The following SPATA17 variants were observed in gnomAD, a reference collection of about 807,000 sequenced individuals.
SPATA17 encodes the protein spermatogenesis associated 17, also known as spermatogenesis-associated protein 17.
Under a neutral mutation model 62.2 loss-of-function variants are expected in SPATA17, and 53 were observed. The observed-to-expected ratio is 0.85, with a 90% CI of 0.68 to 1.07. The LOEUF is 1.07. Among genes scored for constraint, SPATA17 ranks in the 50% least tolerant of loss-of-function variants. The pLI is 0.00. For missense variants in SPATA17, 466 were observed against 425.5 expected (o/e 1.10, Z -0.84); for synonymous variants, 146 against 146.8 (o/e 0.99, Z 0.04).
intron 5 of SPATA17, among the ~76,000 whole-genome samples, chr1:217,694,708 C>A (rs1309111552): frequency 6.6e-6 from 1 of 151,336 alleles, no homozygotes; most frequent in Admixed American, 6.6e-5. Context: ...AATCTCTCAG[C>A]ATTTGCTTGT....
chr1:217,659,857 C>G (rs1252094108), intron 3 of SPATA17, among the ~76,000 whole-genome samples: 4 of 152,148 alleles, frequency 2.6e-5, no homozygotes, highest in African/African-American at 7.2e-5. Context: ...CTCTTAAAAG[C>G]CTCTTGATTC....
At chr1:217,642,928 G>C (rs1670097979) in intron 1 of SPATA17, among the ~76,000 whole-genome samples, 2 of 152,048 alleles carry the variant, frequency 1.3e-5, no homozygotes, top group African/African-American at 2.4e-5. Flanking sequence ...TACTTTTCCT[G>C]CCAGCCCCTA....
chr1:217,658,281 C>G, intron 3 of SPATA17, among the ~76,000 whole-genome samples: 1 of 152,096 alleles, frequency 6.6e-6, no homozygotes, highest in East Asian at 1.9e-4. Flanking sequence ...CGTGTTAATT[C>G]ATATGAGAGC....
chr1:217,736,680 A>G (rs1026684245), intron 5 of SPATA17, among the ~76,000 whole-genome samples: 2 of 152,212 alleles, frequency 1.3e-5, no homozygotes, highest in African/African-American at 2.4e-5. Context: ...GCAGGGACCA[A>G]TGCTGAAAGG....
intron 10 of SPATA17, among the ~76,000 whole-genome samples, chr1:217,864,604 T>G (rs956067289): frequency 1.3e-5 from 2 of 152,100 alleles, no homozygotes; most frequent in Non-Finnish European, 2.9e-5. Context: ...ATTTGTATGT[T>G]GCAAAACTGT....
chr1:217,652,861 G>GGAC (rs1670356135), intron 3 of SPATA17, among the ~76,000 whole-genome samples: 3 of 152,148 alleles, frequency 2.0e-5, no homozygotes, highest in African/African-American at 7.2e-5. Flanking sequence ...TGTGGACCTT[G>GGAC]CTTATGTCCC....
Position 217,794,131 on chromosome 1 carries a change from A to AT in SPATA17, c.873-7587_873-7586insT, listed in dbSNP as rs1212597040. 5.9e-4 allele frequency among the ~76,000 whole-genome samples: 89 copies of AT among 151,038 alleles called. 1 individual carries two copies. The highest frequency in any genetic ancestry group is 1.8e-4 in the Non-Finnish European group (12 of 67,682). On this transcript the variant is annotated intron_variant, in intron 8 of 10. Coordinates refer to ENST00000366933, the MANE Select transcript of SPATA17 (RefSeq NM_138796.4). Reference sequence around the variant, plus strand: ...ACTCCGTCACAAAAAAAAAAAAAAAAGAAAGAAAGAAAAAGAAAGAAAACT... The same window carrying AT: ...ACTCCGTCACAAAAAAAAAAAAAAAATGAAAGAAAGAAAAAGAAAGAAAACT...
chr1:217,844,532 T>C lies in SPATA17; in HGVS notation c.1006-18242T>C, dbSNP rs148764402. ...TGTCTGGAATGGGGTATTTGAGAAC[T>C]ACGGATGGACTGACATCTTCAATCA... On this transcript the variant is annotated intron_variant, in intron 9 of 10. Coordinates refer to ENST00000366933, the MANE Select transcript of SPATA17 (RefSeq NM_138796.4). Among the ~76,000 whole-genome samples the C allele has an allele frequency of 7.1e-3, 1,075 of 152,210 alleles. 14 individuals carry two copies. Among genetic ancestry groups the C allele is most frequent in the African/African-American group, 0.025 (1,022 of 41,546 alleles).
chr1:217,723,029 G>A (rs747369602), intron 5 of SPATA17, among the ~76,000 whole-genome samples: 1 of 152,090 alleles, frequency 6.6e-6, no homozygotes, highest in Non-Finnish European at 1.5e-5. Flanking sequence ...GAGTAGGGAG[G>A]CCCAGAGAAT....
At chr1:217,835,269 T>A (rs1281469531) in intron 9 of SPATA17, among the ~76,000 whole-genome samples, 1 of 152,198 alleles carries the variant, frequency 6.6e-6, no homozygotes, top group African/African-American at 2.4e-5. Context: ...TTTCGGGGTC[T>A]GCATTGTTGA....
intron 5 of SPATA17, among the ~76,000 whole-genome samples, chr1:217,721,085 A>G (rs1672115967): frequency 6.6e-6 from 1 of 152,212 alleles, no homozygotes; most frequent in African/African-American, 2.4e-5. Context: ...ATGTACCATG[A>G]ACTATAACAA....
At chr1:217,725,678 G>A (rs1324764266) in intron 5 of SPATA17, among the ~76,000 whole-genome samples, 1 of 152,118 alleles carries the variant, frequency 6.6e-6, no homozygotes, top group Non-Finnish European at 1.5e-5. Context: ...GGCCAGGCTG[G>A]TCTCAAACTC....
chr1:217,747,527 G>C (rs906662561), intron 6 of SPATA17, among the ~76,000 whole-genome samples: 10 of 151,966 alleles, frequency 6.6e-5, no homozygotes, highest in African/African-American at 1.7e-4. Context: ...GGAAATATTG[G>C]TTATTATATA....
intron 5 of SPATA17, among the ~76,000 whole-genome samples, chr1:217,736,915 C>T (rs1259149173): frequency 2.0e-5 from 3 of 152,158 alleles, no homozygotes; most frequent in Admixed American, 6.5e-5. Flanking sequence ...TATGATCTTA[C>T]GATCTGGTGA....
chr1:217,774,528 G>A lies in SPATA17; in HGVS notation c.714G>A (p.Lys238=), dbSNP rs777832303. The change falls in exon 7 of 11, where the codon AAG becomes AAA. Residue 238 remains lysine, a synonymous_variant. Coordinates refer to ENST00000366933, the MANE Select transcript of SPATA17 (RefSeq NM_138796.4). ...AAATTCTACCACCTATTAATAGAAAGCAATGTCAGGTACTAGTTTGCTGTA... is the reference window on the plus strand; with the variant it reads ...AAATTCTACCACCTATTAATAGAAAACAATGTCAGGTACTAGTTTGCTGTA... The part of the protein sequence containing the change: ...RSEILPPINR[K]QCQGPFRDIT... The A allele has an allele frequency of 2.7e-5, 44 of 1,613,314 alleles. No individual in the cohort carries two copies. Among genetic ancestry groups the A allele is most frequent in the Non-Finnish European group, 2.7e-5 (32 of 1,179,648 alleles).
intron 9 of SPATA17, among the ~76,000 whole-genome samples, chr1:217,818,987 C>A (rs1215002335): frequency 6.7e-6 from 1 of 148,748 alleles, no homozygotes; most frequent in Non-Finnish European, 1.5e-5. Flanking sequence ...TCTTTTTCCT[C>A]AATTTCTTTC....
intron 5 of SPATA17, among the ~76,000 whole-genome samples, chr1:217,728,384 A>G (rs1672319540): frequency 6.6e-6 from 1 of 152,178 alleles, no homozygotes; most frequent in Non-Finnish European, 1.5e-5. Flanking sequence ...TAATTGTTAT[A>G]CAAATATTAG....
chr1:217,651,019 A>G, intron 2 of SPATA17, 78 bp from the exon 3 acceptor site: 3 of 1,054,858 alleles, frequency 2.8e-6, no homozygotes, highest in Non-Finnish European at 4.3e-6. Context: ...CTTGAATTGT[A>G]GGAGAGTATT....
intron 5 of SPATA17, among the ~76,000 whole-genome samples, chr1:217,735,183 G>A (rs540655194): frequency 8.5e-5 from 13 of 152,298 alleles, no homozygotes; most frequent in African/African-American, 2.6e-4. Context: ...CTTCAGGACC[G>A]GTCTTAGTCA....
Sources: gnomAD v4.1 joint callset for allele counts (sites outside exome capture counted in the v4.1 genomes callset) on GRCh38, gnomAD v4.1.1 for gene constraint, MANE v1.5 for transcripts, NCBI Gene and HGNC (gene_info 2026-07-23, HGNC 2026-07-21) for gene names.